Variants in ACP7 observed in about 807,000 individuals in gnomAD.
ACP7 encodes acid phosphatase 7, tartrate resistant (putative), also known as acid phosphatase type 7.
In ACP7, 58 loss-of-function variants were observed where a neutral mutation model predicts 60.6. That is an observed-to-expected ratio of 0.96 (90% CI 0.77 to 1.19). The LOEUF (loss-of-function observed/expected upper bound fraction) is 1.19, where lower values mean the gene tolerates loss of function less well. Among genes scored for constraint, ACP7 ranks in the 50% most tolerant of loss-of-function variants. The probability of loss-of-function intolerance (pLI) is 0.00; values close to 1 mark genes in which losing one functional copy is unlikely to be tolerated. For missense variants in ACP7, 574 were observed against 596.2 expected, an observed-to-expected ratio of 0.96 and a Z score of 0.39; for synonymous variants, 237 against 232.6, an observed-to-expected ratio of 1.02 and a Z score of -0.17.
Position 39,101,052 on chromosome 19 carries a change from G to T in ACP7, c.911G>T (p.Ser304Ile). The change falls in exon 8 of 13, where the codon AGC (serine) becomes ATC (isoleucine). Residue 304 changes from serine to isoleucine, a missense_variant. Physicochemically the swap from Ser to Ile is moderately radical, Grantham distance 142 (BLOSUM62 -2). Coordinates refer to ENST00000331256, the MANE Select transcript of ACP7 (RefSeq NM_001004318.3). ...ADLDDCTRHE[S>I]KVRKGLQGKL... is the part of the protein sequence containing the mutation. ...CTGGACGACTGCACACGACATGAAA[G>T]CAAGGTGAGGTCCCTCCCTGGGAGA... 1 of 1,614,018 alleles carries T rather than the reference G, an allele frequency of 6.2e-7. No homozygotes were observed. Among genetic ancestry groups the T allele is most frequent in the Non-Finnish European group, 8.5e-7 (1 of 1,180,026 alleles).
At chr19:39,092,392 A>G (rs1449365468) in intron 2 of ACP7, among the ~76,000 whole-genome samples, 3 of 138,892 alleles carry the variant, frequency 2.2e-5, no homozygotes, top group African/African-American at 8.3e-5. Flanking sequence ...ATATATATAT[A>G]TAGCAGTTGC....
chr19:39,084,763 C>T (rs1399768921), intron 1 of ACP7, among the ~76,000 whole-genome samples: 1 of 151,916 alleles, frequency 6.6e-6, no homozygotes, highest in African/African-American at 2.4e-5. Context: ...GATGGGGCTG[C>T]GGAATGCAAC....
At chr19:39,084,594 G>A (rs1041925282) in intron 1 of ACP7, among the ~76,000 whole-genome samples, 194 bp downstream of exon 1, 1 of 151,898 alleles carries the variant, frequency 6.6e-6, no homozygotes, top group African/African-American at 2.4e-5. Context: ...GGGCTCTAAA[G>A]GATCTGGGGG....
intron 2 of ACP7, among the ~76,000 whole-genome samples, chr19:39,087,635 T>G (rs1568473741): frequency 7.1e-6 from 1 of 141,170 alleles, no homozygotes; most frequent in South Asian, 2.2e-4. Flanking sequence ...TAATTTTGTT[T>G]TTTTTTTTTT....
chr19:39,096,112 C>T (rs749333824), intron 2 of ACP7, among the ~76,000 whole-genome samples: 4 of 152,174 alleles, frequency 2.6e-5, no homozygotes, highest in Non-Finnish European at 4.4e-5. Context: ...TGGGGATGAA[C>T]GTTCATCTCC....
chr19:39,099,231 G>T, intron 4 of ACP7, 89 bp downstream of exon 4: 2 of 1,270,136 alleles, frequency 1.6e-6, no homozygotes, highest in Non-Finnish European at 9.9e-7. Flanking sequence ...GCGCGGGTCG[G>T]GGGCGGTGCT....
chr19:39,093,681 G>C (rs561821098), intron 2 of ACP7, among the ~76,000 whole-genome samples: 201 of 152,268 alleles, frequency 1.3e-3, no homozygotes, highest in Middle Eastern at 0.01. Flanking sequence ...GAGCCACCAT[G>C]TCTGGCCTCC....
At chr19:39,096,177 G>A (rs138398295) in intron 2 of ACP7, among the ~76,000 whole-genome samples, 212 of 152,278 alleles carry the variant, frequency 1.4e-3, no homozygotes, top group African/African-American at 4.7e-3. Context: ...AGAAAATGGG[G>A]TTTTATTTTC....
intron 2 of ACP7, among the ~76,000 whole-genome samples, chr19:39,093,669 C>CA (rs112030336): frequency 4.6e-5 from 7 of 152,256 alleles, no homozygotes; most frequent in African/African-American, 1.7e-4. Flanking sequence ...GGATTACAGG[C>CA]TGAGCCACCA....
chr19:39,099,215 G>T, intron 4 of ACP7, 73 bp downstream of exon 4: 2 of 1,371,382 alleles, frequency 1.5e-6, no homozygotes, highest in Non-Finnish European at 1.9e-6. Context: ...CGCGCGGGTC[G>T]GGGGCGCGCG....
chr19:39,090,793 T>C (rs1216782595), intron 2 of ACP7, among the ~76,000 whole-genome samples: 2 of 149,192 alleles, frequency 1.3e-5, no homozygotes, highest in African/African-American at 2.5e-5. Flanking sequence ...CCCACTTCTT[T>C]TTTTTTTTTT....
intron 4 of ACP7, 150 bp downstream of exon 4, chr19:39,099,292 G>T: frequency 1.0e-6 from 1 of 953,720 alleles, no homozygotes; most frequent in Non-Finnish European, 1.4e-6. Flanking sequence ...GAAGGGACAG[G>T]GGATGAGACT....
In ACP7 at chr19:39,089,225, G is replaced by A. The variant is rs112091459; in HGVS notation, c.121+3835G>A. Reference sequence around the variant, plus strand: ...ATTACAGGCATGAGCCACTGTACCCGGCCCCTAATTTTTGTATTTTTCAGT... The same window carrying A: ...ATTACAGGCATGAGCCACTGTACCCAGCCCCTAATTTTTGTATTTTTCAGT... On this transcript the variant is annotated intron_variant, in intron 2 of 12. Coordinates refer to ENST00000331256, the MANE Select transcript of ACP7 (RefSeq NM_001004318.3). Among the ~76,000 whole-genome samples, 963 of 152,006 alleles carry A rather than the reference G, an allele frequency of 6.3e-3. 7 individuals carry two copies. The highest frequency in any genetic ancestry group is 0.02 in the African/African-American group (830 of 41,456).
At position 39,085,318 on chromosome 19, in the gene ACP7, T is replaced by C; in HGVS notation, c.49T>C (p.Phe17Leu). Reference protein sequence around the residue: ...YWSCYCLLLLFSLGVQGSLGA... With the variant: ...YWSCYCLLLLLSLGVQGSLGA... Reference sequence around the variant, plus strand: ...GTCCTGTTACTGTCTACTCCTGCTATTCTCCTTGGGAGTCCAGGGGTCCCT... The same window carrying C: ...GTCCTGTTACTGTCTACTCCTGCTACTCTCCTTGGGAGTCCAGGGGTCCCT... The change falls in exon 2 of 13, where the codon TTC becomes CTC. Residue 17 changes from phenylalanine (F) to leucine (L), a missense_variant. Coordinates refer to ENST00000331256, the MANE Select transcript of ACP7 (RefSeq NM_001004318.3). 3.7e-6 allele frequency: 6 copies of C among 1,613,800 alleles called. No individual in the cohort carries two copies. Among genetic ancestry groups the C allele is most frequent in the Middle Eastern group, 1.7e-4 (1 of 6,056 alleles).
chr19:39,100,831 G>A lies in ACP7; in HGVS notation c.785G>A (p.Arg262His), dbSNP rs769646403. 5 of 1,613,598 alleles carry A rather than the reference G, an allele frequency of 3.1e-6. No homozygotes were observed. Among genetic ancestry groups the A allele is most frequent in the East Asian group, 2.2e-5 (1 of 44,868 alleles). The change falls in exon 7 of 13, where the codon CGC becomes CAC. Residue 262 changes from arginine (R) to histidine (H), a missense_variant. Transcript: ENST00000331256. ...YGRHLVQRQFRWLESDLQKAN... is the reference protein window; with the variant it reads ...YGRHLVQRQFHWLESDLQKAN... ...CGCCACTTGGTACAGAGGCAGTTTC[G>A]CTGGCTGGAGAGCGACCTCCAGGTA...
intron 2 of ACP7, among the ~76,000 whole-genome samples, chr19:39,095,965 C>G (rs987725323): frequency 6.6e-6 from 1 of 152,208 alleles, no homozygotes; most frequent in Non-Finnish European, 1.5e-5. Context: ...GACACCAAGT[C>G]CCTAGACTGC....
At chr19:39,098,704 G>A (rs1331903663) in intron 3 of ACP7, 46 bp downstream of exon 3, 3 of 1,555,444 alleles carry the variant, frequency 1.9e-6, no homozygotes, top group Non-Finnish European at 1.7e-6. Flanking sequence ...GTGGGAAGAG[G>A]AGTGGGATGC....
rs767246701 is a variant in ACP7, at chr19:39,100,309, C to T, written c.588C>T (p.Ser196=). 2.5e-6 allele frequency: 4 copies of T among 1,614,040 alleles called. No homozygotes were observed. Among genetic ancestry groups the T allele is most frequent in the East Asian group, 4.5e-5 (2 of 44,878 alleles). The change falls in exon 5 of 13, where the codon AGC becomes AGT. Residue 196 remains serine, a synonymous_variant. Coordinates refer to ENST00000331256, the MANE Select transcript of ACP7 (RefSeq NM_001004318.3). The part of the protein sequence containing the change: ...FMRLIEPVAA[S]LPYMTCPGNH... The stretch of plus-strand genomic sequence containing the variant: ...GGCTCATTGAACCCGTGGCTGCCAG[C>T]CTGCCGTACATGACATGCCCTGGGA...
At chr19:39,094,503 A>C (rs1600257782) in intron 2 of ACP7, among the ~76,000 whole-genome samples, 1 of 7,078 alleles carries the variant, frequency 1.4e-4, no homozygotes, top group South Asian at 5.6e-3. Flanking sequence ...ACTTAGTCTC[A>C]AAAAAAAAAA....
Sources: gnomAD v4.1 joint callset for allele counts (sites outside exome capture counted in the v4.1 genomes callset) on GRCh38, gnomAD v4.1.1 for gene constraint, MANE v1.5 for transcripts, NCBI Gene and HGNC (gene_info 2026-07-23, HGNC 2026-07-21) for gene names.